The following NFIA variants were observed in gnomAD, a reference collection of about 807,000 sequenced individuals.
NFIA encodes the protein nuclear factor 1 A-type.
Under a neutral mutation model 62.8 loss-of-function variants are expected in NFIA, and 8 were observed. The ratio of observed to expected loss-of-function variants is 0.13; its 90% CI spans 0.07 to 0.23. The LOEUF is 0.23. Among genes scored for constraint, NFIA ranks in the 10% least tolerant of loss-of-function variants. The probability of loss-of-function intolerance (pLI) is 1.00; values close to 1 mark genes in which losing one functional copy is unlikely to be tolerated. For synonymous variants in NFIA, 235 were observed against 238.1 expected (o/e 0.99, Z 0.12); for missense variants, 410 against 642.1 (o/e 0.64, Z 3.91).
At position 61,218,342 on chromosome 1, in the gene NFIA, G is replaced by A. The variant is rs115072005; in HGVS notation, c.560-59178G>A. Among the ~76,000 whole-genome samples, 997 of 152,276 alleles carry A rather than the reference G, an allele frequency of 6.5e-3. 8 individuals carry two copies. The highest frequency in any genetic ancestry group is 0.011 in the Non-Finnish European group (721 of 68,016). ...CGACTTCAAGAGGTCAAAGAATCAC[G>A]AATTGATATACAAAGTGGTGTATGT... On this transcript the variant is annotated intron_variant, in intron 2 of 10. Coordinates refer to ENST00000403491, the MANE Select transcript of NFIA (RefSeq NM_001134673.4).
intron 7 of NFIA, among the ~76,000 whole-genome samples, chr1:61,387,647 TCCTGGAGG>T (rs1374978152): frequency 2.0e-5 from 3 of 152,158 alleles, no homozygotes; most frequent in African/African-American, 7.2e-5. Flanking sequence ...TCTACATGTC[TCCTGGAGG>T]AGAACCTCCA....
chr1:61,370,062 G>A (rs1297484778), intron 6 of NFIA, among the ~76,000 whole-genome samples: 2 of 152,200 alleles, frequency 1.3e-5, no homozygotes, highest in African/African-American at 4.8e-5. Context: ...GGGAGAGAGG[G>A]AAGAAATAAG....
chr1:61,318,815 C>T (rs948644659), intron 3 of NFIA, among the ~76,000 whole-genome samples: 9 of 152,038 alleles, frequency 5.9e-5, no homozygotes, highest in Non-Finnish European at 1.5e-5. Flanking sequence ...TTGGTTTTTG[C>T]CCGACTCAAG....
At chr1:61,324,312 G>C (rs1375152159) in intron 3 of NFIA, among the ~76,000 whole-genome samples, 1 of 152,154 alleles carries the variant, frequency 6.6e-6, no homozygotes, top group Non-Finnish European at 1.5e-5. Flanking sequence ...AAGTGGCCAA[G>C]GCACACCAGC....
At chr1:61,100,956 A>G (rs1042298676) in intron 2 of NFIA, among the ~76,000 whole-genome samples, 1 of 150,784 alleles carries the variant, frequency 6.6e-6, no homozygotes, top group African/African-American at 2.4e-5. Flanking sequence ...TTTTTTTACC[A>G]TAAAATTGGT....
chr1:61,323,054 A>T (rs1660755657), intron 3 of NFIA, among the ~76,000 whole-genome samples: 1 of 152,190 alleles, frequency 6.6e-6, no homozygotes, highest in African/African-American at 2.4e-5. Flanking sequence ...CAGCACAGGG[A>T]AATTTGGAGC....
In NFIA at chr1:61,119,273, G is replaced by A. The variant is rs933094106; in HGVS notation, c.559+30593G>A. 5.9e-5 allele frequency among the ~76,000 whole-genome samples: 9 copies of A among 152,192 alleles called. 1 individual carries two copies. Among genetic ancestry groups the A allele is most frequent in the African/African-American group, 1.9e-4 (8 of 41,518 alleles). ...GTCCACCCCACTAGTAAACTCTCTC[G>A]TCTCTGTTCCTGTGCCAAGTGCTCT... is the stretch of plus-strand genomic sequence containing the variant. On this transcript the variant is annotated intron_variant, in intron 2 of 10. Transcript: ENST00000403491.
intron 4 of NFIA, among the ~76,000 whole-genome samples, chr1:61,348,461 C>T (rs935363283): frequency 5.9e-5 from 9 of 152,274 alleles, no homozygotes; most frequent in East Asian, 5.8e-4. Context: ...TAGACACTTT[C>T]GGGACGTGCC....
chr1:61,131,924 CT>C (rs1180827792), intron 2 of NFIA, among the ~76,000 whole-genome samples: 1 of 152,088 alleles, frequency 6.6e-6, no homozygotes, highest in Non-Finnish European at 1.5e-5. Context: ...CAGATGTAGA[CT>C]TTTGGAGTGT....
intron 9 of NFIA, among the ~76,000 whole-genome samples, chr1:61,408,772 T>C (rs999305452): frequency 1.3e-5 from 2 of 152,242 alleles, no homozygotes; most frequent in African/African-American, 2.4e-5. Flanking sequence ...ACTGTGTTTC[T>C]CTTTGAATCA....
chr1:61,314,122 C>T (rs1161635021), intron 3 of NFIA, among the ~76,000 whole-genome samples: 2 of 152,204 alleles, frequency 1.3e-5, no homozygotes, highest in Admixed American at 1.3e-4. Flanking sequence ...TCCTGCACTT[C>T]ACGTCACTAA....
intron 10 of NFIA, among the ~76,000 whole-genome samples, chr1:61,452,839 T>C (rs548247474): frequency 3.3e-5 from 5 of 152,322 alleles, no homozygotes; most frequent in Non-Finnish European, 5.9e-5. Flanking sequence ...TTTGTGTTAC[T>C]GAATACCAAC....
intron 4 of NFIA, among the ~76,000 whole-genome samples, chr1:61,342,987 A>G (rs1403346444): frequency 6.6e-6 from 1 of 152,270 alleles, no homozygotes; most frequent in Non-Finnish European, 1.5e-5. Flanking sequence ...TAAAATACCT[A>G]GCACATTGCC....
intron 2 of NFIA, among the ~76,000 whole-genome samples, chr1:61,228,432 C>A (rs190977773): frequency 4.6e-4 from 70 of 152,260 alleles, no homozygotes; most frequent in African/African-American, 1.6e-3. Flanking sequence ...ATCTGTGCAT[C>A]CTTGGCTTGG....
chr1:61,107,254 C>G (rs553270853), intron 2 of NFIA, among the ~76,000 whole-genome samples: 2 of 151,062 alleles, frequency 1.3e-5, no homozygotes, highest in African/African-American at 4.9e-5. Flanking sequence ...GATATTTTAT[C>G]TTACTAACAA....
intron 2 of NFIA, among the ~76,000 whole-genome samples, chr1:61,097,449 A>G (rs372332865): frequency 1.3e-5 from 2 of 152,154 alleles, no homozygotes; most frequent in Non-Finnish European, 2.9e-5. Flanking sequence ...CTTTGTTGCT[A>G]TGGTTTGGTT....
At chr1:61,389,795 A>C (rs1256789661) in intron 7 of NFIA, among the ~76,000 whole-genome samples, 1 of 150,990 alleles carries the variant, frequency 6.6e-6, no homozygotes, top group Non-Finnish European at 1.5e-5. Flanking sequence ...CTTTTTTATT[A>C]GTCCATAAGT....
chr1:61,415,105 C>T lies in NFIA; in HGVS notation c.1420+8378C>T, dbSNP rs140659281. 3.2e-3 allele frequency among the ~76,000 whole-genome samples: 480 copies of T among 152,174 alleles called. 2 individuals are homozygous for T. The highest frequency in any genetic ancestry group is 0.011 in the African/African-American group (460 of 41,506). Reference sequence around the variant, plus strand: ...AGAGATTATGAAAGAGACTTAAATACGTACAGTATTTTAATCTATGATAAG... The same window carrying T: ...AGAGATTATGAAAGAGACTTAAATATGTACAGTATTTTAATCTATGATAAG... On this transcript the variant is annotated intron_variant, in intron 9 of 10. Coordinates refer to ENST00000403491, the MANE Select transcript of NFIA (RefSeq NM_001134673.4).
Position 61,267,115 on chromosome 1 carries a change from T to C in NFIA, c.560-10405T>C, listed in dbSNP as rs532944049. 2.0e-5 allele frequency among the ~76,000 whole-genome samples: 3 copies of C among 152,324 alleles called. No homozygotes were observed. In the South Asian group the frequency reaches 6.2e-4, roughly 32 times the overall value. On this transcript the variant is annotated intron_variant, in intron 2 of 10. Coordinates refer to ENST00000403491, the MANE Select transcript of NFIA (RefSeq NM_001134673.4). ...TAGCTACTTCTGGTAGAACTGTCAT[T>C]TCTATTAAAGGGAGGATACCAGGCC...
Sources: gnomAD v4.1 joint callset for allele counts (sites outside exome capture counted in the v4.1 genomes callset) on GRCh38, gnomAD v4.1.1 for gene constraint, MANE v1.5 for transcripts, NCBI Gene and HGNC (gene_info 2026-07-23, HGNC 2026-07-21) for gene names.